The following LETM1 variants were observed in gnomAD, a reference collection of about 807,000 sequenced individuals.
LETM1 encodes leucine zipper and EF-hand containing transmembrane protein 1, also known as mitochondrial proton/calcium exchanger protein.
A neutral mutation model predicts 74.5 loss-of-function variants in LETM1; 50 were observed. The ratio of observed to expected loss-of-function variants is 0.67; its 90% CI spans 0.53 to 0.85. LETM1 has a LOEUF of 0.85. LETM1 is among the 40% of genes least tolerant of loss of function. The pLI, the probability that LETM1 is intolerant of heterozygous loss-of-function variation, is 0.00. For synonymous variants in LETM1, 446 were observed against 407.1 expected, an observed-to-expected ratio of 1.10 and a Z score of -1.15; for missense variants, 824 against 967.8, an observed-to-expected ratio of 0.85 and a Z score of 1.97.
Position 1,819,344 on chromosome 4 carries a change from G to A in LETM1, c.1737C>T (p.Tyr579=). The A allele has an allele frequency of 6.2e-7, 1 of 1,610,660 alleles. No individual in the cohort carries two copies. The highest frequency in any genetic ancestry group is 1.1e-5 in the South Asian group (1 of 90,556). Residue 579 remains tyrosine (Y), a synonymous_variant, in exon 11 of 14, where the codon TAC becomes TAT. Coordinates refer to ENST00000302787, the MANE Select transcript of LETM1 (RefSeq NM_012318.3). The part of the protein sequence containing the change: ...LELLKEDVQD[Y]SEDLQEIKKE... ...GGGAGCAAATCCCACCCACCTCGCTGTAGTCCTGCACATCCTCCTTCAGCA... is the reference window on the plus strand; with the variant it reads ...GGGAGCAAATCCCACCCACCTCGCTATAGTCCTGCACATCCTCCTTCAGCA...
rs189361632 is a variant in LETM1 at position 1,815,728 on chromosome 4, G to C, written c.2006C>G (p.Thr669Ser). The stretch of plus-strand genomic sequence containing the variant: ...TTCATCCAGTGCTGCGGCCAGGCTG[G>C]TGAGCTTGCTTTCGGGAATGTGCTT... ...QVKHIPESKL[T>S]SLAAALDENK... Residue 669 changes from threonine to serine, a missense_variant, in exon 13 of 14, where the codon ACC (threonine) becomes AGC (serine). This residue lies in a region of LETM1 where 161 missense variants were observed against 252.7 expected (regional missense o/e 0.64). Coordinates refer to ENST00000302787, the MANE Select transcript of LETM1 (RefSeq NM_012318.3). The C allele has an allele frequency of 1.2e-6, 2 of 1,614,246 alleles. No individual in the cohort carries two copies. The highest frequency in any genetic ancestry group is 2.2e-5 in the East Asian group (1 of 44,892).
intron 6 of LETM1, among the ~76,000 whole-genome samples, chr4:1,828,632 C>T (rs1712118012): frequency 4.9e-5 from 6 of 123,366 alleles, no homozygotes; most frequent in South Asian, 2.7e-4. Flanking sequence ...TAGGGGCGGC[C>T]GGGCAGAGGC....
At chr4:1,837,472 G>A (rs1373512814) in intron 3 of LETM1, among the ~76,000 whole-genome samples, 1 of 151,928 alleles carries the variant, frequency 6.6e-6, no homozygotes, top group Non-Finnish European at 1.5e-5. Flanking sequence ...TGTATTTTTT[G>A]ACTGATTTAC....
chr4:1,849,781 C>G (rs538038886), intron 1 of LETM1, among the ~76,000 whole-genome samples: 3 of 152,340 alleles, frequency 2.0e-5, no homozygotes, highest in East Asian at 1.9e-4. Flanking sequence ...CTTTTGGCCT[C>G]GAGCGACCCT....
chr4:1,855,307 G>C (rs1713200356), intron 1 of LETM1, among the ~76,000 whole-genome samples: 1 of 152,246 alleles, frequency 6.6e-6, no homozygotes, highest in African/African-American at 2.4e-5. Context: ...GAGGCTAGGG[G>C]GGCTAAAGCC....
At chr4:1,819,105 C>T (rs1219607837) in intron 11 of LETM1, among the ~76,000 whole-genome samples, 3 of 150,726 alleles carry the variant, frequency 2.0e-5, no homozygotes, top group Non-Finnish European at 4.4e-5. Flanking sequence ...AAAAAAGGTG[C>T]ACACACATCT....
intron 11 of LETM1, among the ~76,000 whole-genome samples, 160 bp from the exon 12 acceptor site, chr4:1,817,074 C>T (rs1711593243): frequency 6.6e-6 from 1 of 151,652 alleles, no homozygotes; most frequent in African/African-American, 2.4e-5. Flanking sequence ...GGTGAAACCC[C>T]GCCTCTACTA....
Position 1,823,716 on chromosome 4 carries a change from G to A in LETM1, c.1260C>T (p.Ala420=). The A allele has an allele frequency of 6.2e-7, 1 of 1,613,844 alleles. No individual in the cohort carries two copies. Among genetic ancestry groups the A allele is most frequent in the Non-Finnish European group, 8.5e-7 (1 of 1,179,876 alleles). The part of the protein sequence containing the change: ...IPTSLLILSR[A]MYLPDTLSPA... Reference sequence around the variant, plus strand: ...GAGAGAGGGTGTCCGGGAGGTACATGGCCCGGGACAGGATGAGCAGCGATG... The same window carrying A: ...GAGAGAGGGTGTCCGGGAGGTACATAGCCCGGGACAGGATGAGCAGCGATG... Residue 420 remains alanine (A), a synonymous_variant, in exon 8 of 14, where the codon GCC becomes GCT. Transcript: ENST00000302787.
intron 10 of LETM1, among the ~76,000 whole-genome samples, 158 bp from the exon 11 acceptor site, chr4:1,819,630 A>G (rs915109847): frequency 6.6e-6 from 1 of 152,188 alleles, no homozygotes; most frequent in Non-Finnish European, 1.5e-5. Flanking sequence ...GTTCAGGTTC[A>G]CTGCTGCGCT....
rs901008468 is a variant in LETM1 at position 1,836,975 on chromosome 4, C to G, written c.595-403G>C. The stretch of plus-strand genomic sequence containing the variant: ...GCCACACCTTCTCTTGGAGGGTGCT[C>G]TATAAGGAGGGCTTCTCTTGTGTTT... On this transcript the variant is annotated intron_variant, in intron 3 of 13. Coordinates refer to ENST00000302787, the MANE Select transcript of LETM1 (RefSeq NM_012318.3). This position sits in a 1 kb window ranked among gnomAD's most constrained non-coding sequence, Gnocchi z 5.8. Among the ~76,000 whole-genome samples the G allele has an allele frequency of 2.0e-5, 3 of 152,142 alleles. No individual in the cohort carries two copies. Among genetic ancestry groups the G allele is most frequent in the African/African-American group, 7.2e-5 (3 of 41,420 alleles).
intron 13 of LETM1, among the ~76,000 whole-genome samples, chr4:1,815,296 C>T (rs886471704): frequency 6.6e-6 from 1 of 152,062 alleles, no homozygotes. Context: ...TGGGGGCCCC[C>T]GGCAGGTGTG....
Position 1,849,289 on chromosome 4 carries a change from G to C in LETM1, c.83-80C>G. 3 of 1,046,100 alleles carry C rather than the reference G, an allele frequency of 2.9e-6. No homozygotes were observed. In the South Asian group the frequency reaches 4.0e-5, roughly 14 times the overall value. The allele number at this position is 1,046,100 out of a possible 1,614,324, so 64.8% of individuals were successfully genotyped here. ...TACCTTTTTTTGTTGTTGGTTTTTG[G>C]AGTTTCGCTCTTGCGCCCAGGCTAG... On this transcript the variant is annotated intron_variant, in intron 1 of 13. Coordinates refer to ENST00000302787, the MANE Select transcript of LETM1 (RefSeq NM_012318.3).
intron 7 of LETM1, among the ~76,000 whole-genome samples, chr4:1,824,854 G>A (rs1330859550): frequency 6.6e-6 from 1 of 152,258 alleles, no homozygotes; most frequent in Non-Finnish European, 1.5e-5. Flanking sequence ...TGGAAGACGC[G>A]GCTGTGGAAG....
At chr4:1,826,970 C>T (rs1486296603) in intron 6 of LETM1, among the ~76,000 whole-genome samples, 2 of 151,948 alleles carry the variant, frequency 1.3e-5, no homozygotes, top group African/African-American at 2.4e-5. Context: ...TCTCAGGTGT[C>T]GCCTCCACTC....
In LETM1 at chr4:1,834,776, C is replaced by A; in HGVS notation, c.876+69G>T. ...GGGAGCTCCACTCTGCTGAGCACAG[C>A]GAAAGGGAAACAGAAAATCAGGGAA... On this transcript the variant is annotated intron_variant, in intron 5 of 13. Coordinates refer to ENST00000302787, the MANE Select transcript of LETM1 (RefSeq NM_012318.3). The surrounding 1 kb of genome is among the most constrained non-coding windows in gnomAD (Gnocchi z 5.0). 2 of 1,596,088 alleles carry A rather than the reference C, an allele frequency of 1.3e-6. No individual in the cohort carries two copies. The highest frequency in any genetic ancestry group is 1.7e-6 in the Non-Finnish European group (2 of 1,169,746).
Position 1,834,268 on chromosome 4 carries a change from T to A in LETM1, c.876+577A>T, listed in dbSNP as rs1202002615. 1 of 397,138 alleles carries A rather than the reference T, an allele frequency of 2.5e-6. No homozygotes were observed. The highest frequency in any genetic ancestry group is 2.2e-5 in the African/African-American group (1 of 45,970). The allele number at this position is 397,138 out of a possible 1,614,324, so 24.6% of individuals were successfully genotyped here. On this transcript the variant is annotated intron_variant, in intron 5 of 13. Coordinates refer to ENST00000302787, the MANE Select transcript of LETM1 (RefSeq NM_012318.3). This position sits in a 1 kb window ranked among gnomAD's most constrained non-coding sequence, Gnocchi z 5.0. ...CAGACACATCCTTCTCACTCCAAAG[T>A]GGCACAAGTCCCTCAAGCCAACAAC... is the stretch of plus-strand genomic sequence containing the variant.
At chr4:1,819,707 A>G (rs1339064799) in intron 10 of LETM1, among the ~76,000 whole-genome samples, 1 of 152,214 alleles carries the variant, frequency 6.6e-6, no homozygotes, top group African/African-American at 2.4e-5. Flanking sequence ...CGCGTCATCT[A>G]TGAATTGACA....
intron 4 of LETM1, among the ~76,000 whole-genome samples, chr4:1,835,611 C>G (rs1442983107): frequency 6.6e-6 from 1 of 152,146 alleles, no homozygotes; most frequent in African/African-American, 2.4e-5. Flanking sequence ...TCTGCTGGTG[C>G]CTCACAGACA....
intron 6 of LETM1, among the ~76,000 whole-genome samples, chr4:1,826,725 C>T (rs927203291): frequency 6.6e-6 from 1 of 152,256 alleles, no homozygotes; most frequent in Non-Finnish European, 1.5e-5. Flanking sequence ...AGCTGGGCTC[C>T]GCCAGTTGAT....
Sources: gnomAD v4.1 joint callset for allele counts (sites outside exome capture counted in the v4.1 genomes callset) on GRCh38, gnomAD v4.1.1 for gene constraint, gnomAD v4.1.1 regional missense constraint, Gnocchi (gnomAD v3.1) non-coding constraint, MANE v1.5 for transcripts, NCBI Gene and HGNC (gene_info 2026-07-23, HGNC 2026-07-21) for gene names.